The following MTR variants were observed in gnomAD, a reference collection of about 807,000 sequenced individuals.
MTR encodes methionine synthase.
MTR carries 84 observed loss-of-function variants against 154.8 expected under a neutral mutation model. That is an observed-to-expected ratio of 0.54 (90% CI 0.45 to 0.65). The LOEUF is 0.65. Among genes scored for constraint, MTR ranks in the 30% least tolerant of loss-of-function variants. MTR has a pLI of 0.00. For missense variants in MTR, 1,275 were observed against 1,570.2 expected (o/e 0.81, Z 3.18); for synonymous variants, 554 against 553.9 (o/e 1.00, Z 0.00).
chr1:236,850,362 A>G lies in MTR; in HGVS notation c.1534A>G (p.Lys512Glu). The G allele has an allele frequency of 6.2e-7, 1 of 1,613,366 alleles. No individual in the cohort carries two copies. Among genetic ancestry groups the G allele is most frequent in the African/African-American group, 1.3e-5 (1 of 75,008 alleles). ...EEGQATETDT[K>E]IRVCTRAYHL... is the part of the protein sequence containing the mutation. The stretch of plus-strand genomic sequence containing the variant: ...TCCCTAGGCAACAGAAACAGACACA[A>G]AAATCAGAGTGTGCACCCGGGCCTA... The change falls in exon 16 of 33, where the codon AAA (lysine) becomes GAA (glutamate). Residue 512 changes from lysine to glutamate, a missense_variant. Transcript: ENST00000366577.
rs534411321 is a variant in MTR, at chr1:236,851,261, C to G, written c.1695+738C>G. On this transcript the variant is annotated intron_variant, in intron 16 of 32. Transcript: ENST00000366577. ...ATGGCAGTGACCTACCTTCTTATTT[C>G]AGCTCTCATCCTGTACACAGATGTC... Among the ~76,000 whole-genome samples, 25 of 152,330 alleles carry G rather than the reference C, an allele frequency of 1.6e-4. No homozygotes were observed. The South Asian group carries it at 5.0e-3, about 30-fold the overall frequency.
chr1:236,813,939 G>A (rs1661450724), intron 6 of MTR, among the ~76,000 whole-genome samples: 1 of 151,938 alleles, frequency 6.6e-6, no homozygotes, highest in Admixed American at 6.6e-5. Flanking sequence ...TGTGGGAGGG[G>A]GAGACTACAC....
chr1:236,884,613 T>TA (rs1321579674), intron 25 of MTR, among the ~76,000 whole-genome samples: 2 of 152,216 alleles, frequency 1.3e-5, no homozygotes, highest in Non-Finnish European at 2.9e-5. Flanking sequence ...CCGCTGATGA[T>TA]ATGTGACAAC....
intron 5 of MTR, chr1:236,811,657 G>A (rs1192130683): frequency 1.1e-5 from 5 of 456,238 alleles, no homozygotes; most frequent in Admixed American, 9.4e-5. Flanking sequence ...CTGCCAGTGG[G>A]GAGCTAACTT....
chr1:236,844,467 T>C (rs1031850553), intron 15 of MTR, among the ~76,000 whole-genome samples: 50 of 24,910 alleles, frequency 2.0e-3, no homozygotes, highest in African/African-American at 7.3e-3. Context: ...TGTGTGTGTG[T>C]GTGTGTGTGT....
chr1:236,838,458 T>C lies in MTR; in HGVS notation c.1374T>C (p.Ala458=). 6.2e-7 allele frequency: 1 copy of C among 1,614,158 alleles called. No homozygotes were observed. The highest frequency in any genetic ancestry group is 1.1e-5 in the South Asian group (1 of 91,084). ...CCTCCAATTTTGCTGTGATTGAAGC[T>C]GGGTTAAAGTGCTGCCAAGGGAAGT... ...IDSSNFAVIE[A]GLKCCQGKCI... The change falls in exon 15 of 33, where the codon GCT becomes GCC. Residue 458 remains alanine (A), a synonymous_variant. Transcript: ENST00000366577.
At chr1:236,874,066 A>G (rs1264364668) in intron 23 of MTR, among the ~76,000 whole-genome samples, 1 of 152,320 alleles carries the variant, frequency 6.6e-6, no homozygotes, top group African/African-American at 2.4e-5. Context: ...GGGAATGGGG[A>G]CAGACTTCTT....
intron 15 of MTR, among the ~76,000 whole-genome samples, chr1:236,844,116 G>T (rs1332935555): frequency 6.6e-6 from 1 of 152,102 alleles, no homozygotes; most frequent in East Asian, 1.9e-4. Flanking sequence ...ATATGAGAAG[G>T]AGCAGCCTGT....
intron 19 of MTR, 129 bp downstream of exon 19, chr1:236,860,051 T>A: frequency 4.3e-6 from 2 of 463,756 alleles, no homozygotes; most frequent in Non-Finnish European, 3.9e-6. Flanking sequence ...GGGAGGTCCC[T>A]CTTGCTGTCC....
At chr1:236,890,147 C>T (rs887749376) in intron 28 of MTR, among the ~76,000 whole-genome samples, 6 of 144,886 alleles carry the variant, frequency 4.1e-5, no homozygotes, top group South Asian at 2.1e-4. Flanking sequence ...AAGTTTCCCA[C>T]GGGGGGGCGT....
At position 236,894,520 on chromosome 1, in the gene MTR, G is replaced by A; in HGVS notation, c.3368G>A (p.Ser1123Asn). ...GAGGATGATGGTGACGACTACAGCA[G>A]CATCATGGTCAAGGCGCTGGGGGAC... The part of the protein sequence containing the change: ...AYEDDGDDYS[S>N]IMVKALGDRL... The change falls in exon 30 of 33, where the codon AGC becomes AAC. Residue 1123 changes from serine (S) to asparagine (N), a missense_variant. Transcript: ENST00000366577. 1 of 1,614,194 alleles carries A rather than the reference G, an allele frequency of 6.2e-7. No homozygotes were observed. The highest frequency in any genetic ancestry group is 8.5e-7 in the Non-Finnish European group (1 of 1,180,044).
chr1:236,810,735 C>T, intron 5 of MTR, 140 bp downstream of exon 5: 1 of 712,594 alleles, frequency 1.4e-6, no homozygotes, highest in South Asian at 1.5e-5. Context: ...ACGTGTACAG[C>T]AGTGCCTGGA....
chr1:236,858,728 ATTGAAT>A (rs766221130), intron 18 of MTR, among the ~76,000 whole-genome samples: 6 of 152,172 alleles, frequency 3.9e-5, no homozygotes, highest in Non-Finnish European at 7.3e-5. Flanking sequence ...GAGGTGATTG[ATTGAAT>A]TTGAGTAGTG....
chr1:236,821,956 T>C (rs1344621281), intron 8 of MTR, among the ~76,000 whole-genome samples: 2 of 152,224 alleles, frequency 1.3e-5, no homozygotes, highest in Admixed American at 1.3e-4. Context: ...TTGATTGCTT[T>C]AGCTTTTTAG....
At chr1:236,826,970 G>A (rs1430296373) in intron 11 of MTR, 74 bp downstream of exon 11, 1 of 1,348,606 alleles carries the variant, frequency 7.4e-7, no homozygotes. Context: ...TGTACTTTTT[G>A]TTATGGGCTG....
intron 22 of MTR, 89 bp downstream of exon 22, chr1:236,863,643 T>TAG: frequency 8.6e-7 from 1 of 1,164,916 alleles, no homozygotes. Flanking sequence ...GTGGGAAGAG[T>TAG]AGGGCATGGC....
At chr1:236,842,133 C>T (rs933403768) in intron 15 of MTR, among the ~76,000 whole-genome samples, 4 of 152,172 alleles carry the variant, frequency 2.6e-5, no homozygotes, top group Middle Eastern at 3.2e-3. Flanking sequence ...CCTCGTGATC[C>T]GCCCGCCTCG....
chr1:236,866,822 C>T (rs1427986535), intron 22 of MTR, among the ~76,000 whole-genome samples: 1 of 152,222 alleles, frequency 6.6e-6, no homozygotes, highest in East Asian at 1.9e-4. Context: ...TCACCCAGAG[C>T]AGTTTGGCAT....
At chr1:236,819,930 G>C (rs1661823173) in intron 8 of MTR, 11 of 1,035,846 alleles carry the variant, frequency 1.1e-5, no homozygotes, top group Non-Finnish European at 1.5e-5. Flanking sequence ...AGCCACTCCA[G>C]TTGCTGGCCG....
Sources: allele counts gnomAD v4.1 joint callset (sites outside exome capture counted in the v4.1 genomes callset), GRCh38; gene constraint gnomAD v4.1.1; transcripts MANE v1.5; gene names NCBI Gene and HGNC (gene_info 2026-07-23, HGNC 2026-07-21).